The following MUC17 variants were observed in gnomAD, a reference collection of about 807,000 sequenced individuals.
MUC17 encodes mucin 17, cell surface associated.
MUC17 carries 190 observed loss-of-function variants against 170.3 expected under a neutral mutation model. That is an observed-to-expected ratio of 1.12 (90% CI 0.99 to 1.26). The LOEUF (loss-of-function observed/expected upper bound fraction) is 1.26, where lower values mean the gene tolerates loss of function less well. Among genes scored for constraint, MUC17 ranks in the 50% most tolerant of loss-of-function variants. The pLI is 0.00. For missense variants in MUC17, 6,415 were observed against 5,530.0 expected (o/e 1.16, Z -5.08); for synonymous variants, 2,325 against 2,002.5 (o/e 1.16, Z -4.30).
At position 101,043,153 on chromosome 7, in the gene MUC17, G is replaced by A. The variant is rs1794765769; in HGVS notation, c.11737G>A (p.Ala3913Thr). 1 of 1,614,038 alleles carries A rather than the reference G, an allele frequency of 6.2e-7. No homozygotes were observed. Among genetic ancestry groups the A allele is most frequent in the Non-Finnish European group, 8.5e-7 (1 of 1,179,994 alleles). Residue 3913 changes from alanine (A) to threonine (T), a missense_variant, in exon 3 of 13, where the codon GCC becomes ACC. Ala to Thr is a moderately conservative substitution (Grantham distance 58, BLOSUM62 0). Coordinates refer to ENST00000306151, the MANE Select transcript of MUC17 (RefSeq NM_001040105.2). ...STTFTPSTDTASTPTIPVATT... is the reference protein window; with the variant it reads ...STTFTPSTDTTSTPTIPVATT... ...AACTTTTACCCCTTCTACTGACACT[G>A]CCTCAACTCCCACAATTCCTGTAGC...
rs1165412433 is a variant in MUC17 at position 101,037,388 on chromosome 7, C to T, written c.5972C>T (p.Pro1991Leu). ...SEGSTPLTSM[P>L]LSTTLVVSSE... ...GGAAGCACTCCACTAACAAGTATGCCTCTCAGCACCACGCTGGTGGTCAGT... is the reference window on the plus strand; with the variant it reads ...GGAAGCACTCCACTAACAAGTATGCTTCTCAGCACCACGCTGGTGGTCAGT... Residue 1991 changes from proline to leucine, a missense_variant, in exon 3 of 13, where the codon CCT becomes CTT. By Grantham distance (98) the Pro-to-Leu change is moderately conservative. Coordinates refer to ENST00000306151, the MANE Select transcript of MUC17 (RefSeq NM_001040105.2). 1.9e-6 allele frequency: 3 copies of T among 1,613,820 alleles called. No individual in the cohort carries two copies. The highest frequency in any genetic ancestry group is 2.5e-6 in the Non-Finnish European group (3 of 1,179,818).
At position 101,042,597 on chromosome 7, in the gene MUC17, T is replaced by C; in HGVS notation, c.11181T>C (p.Thr3727=). ...PSVVTSTPVT[T]STEAISSSAT... ...TTGTCACCAGCACACCTGTGACCACTTCTACTGAAGCCATTTCATCTTCTG... is the reference window on the plus strand; with the variant it reads ...TTGTCACCAGCACACCTGTGACCACCTCTACTGAAGCCATTTCATCTTCTG... The change falls in exon 3 of 13, where the codon ACT becomes ACC. Residue 3727 remains threonine (T), a synonymous_variant. Coordinates refer to ENST00000306151, the MANE Select transcript of MUC17 (RefSeq NM_001040105.2). The C allele has an allele frequency of 6.2e-7, 1 of 1,614,128 alleles. No homozygotes were observed. Among genetic ancestry groups the C allele is most frequent in the Non-Finnish European group, 8.5e-7 (1 of 1,180,032 alleles).
rs779477970 is a variant in MUC17, at chr7:101,053,436, GGTATTGGCCTT to G, written c.13363+1_13363+11del. ...AAACATTGGCTTTGACATCTGCCAA[GGTATTGGCCTT>G]CCTCTCTGAACTCAGAATGGCTCAA... On this transcript the variant is annotated splice_donor_variant and splice_donor_5th_base_variant and intron_variant, in intron 11 of 12. Coordinates refer to ENST00000306151, the MANE Select transcript of MUC17 (RefSeq NM_001040105.2). LOFTEE classifies it high-confidence loss of function. 1 of 1,612,276 alleles carries G rather than the reference GGTATTGGCCTT, an allele frequency of 6.2e-7. No homozygotes were observed. The highest frequency in any genetic ancestry group is 8.5e-7 in the Non-Finnish European group (1 of 1,178,546).
At chr7:101,029,783 G>C (rs1309344139) in intron 1 of MUC17, among the ~76,000 whole-genome samples, 3 of 151,940 alleles carry the variant, frequency 2.0e-5, no homozygotes, top group Non-Finnish European at 4.4e-5. Context: ...ATTTTTAGTA[G>C]AGACAGGGTT....
In MUC17 at chr7:101,035,335, G is replaced by A. The variant is rs113959201; in HGVS notation, c.3919G>A (p.Gly1307Ser). ...TLLTTPVDTK[G>S]PVVTSNEVSS... ...TTTAACAACTCCTGTTGACACTAAA[G>A]GTCCTGTGGTCACTTCTAATGAAGT... Residue 1307 changes from glycine to serine, a missense_variant, in exon 3 of 13, where the codon GGT becomes AGT. By Grantham distance (56) the Gly-to-Ser change is moderately conservative. Transcript: ENST00000306151. The A allele has an allele frequency of 0.072, 103,434 of 1,440,670 alleles. No individual in the cohort carries two copies. The highest frequency in any genetic ancestry group is 0.22 in the African/African-American group (14,539 of 64,810). The allele number at this position is 1,440,670 out of a possible 1,614,324, so 89.2% of individuals were successfully genotyped here. A position where few individuals can be genotyped will look rare whatever the true frequency, so the allele number is the denominator to read the frequency against.
intron 3 of MUC17, 69 bp from the exon 4 acceptor site, chr7:101,047,915 C>T (rs1199348748): frequency 1.3e-6 from 2 of 1,503,556 alleles, no homozygotes. Context: ...CACAGTAGAT[C>T]CCTGCTCCTT....
intron 1 of MUC17, among the ~76,000 whole-genome samples, chr7:101,024,905 G>A (rs1426941409): frequency 3.3e-5 from 5 of 151,894 alleles, no homozygotes; most frequent in African/African-American, 1.2e-4. Flanking sequence ...GTTTATGTCT[G>A]TAATCTCAGC....
chr7:101,021,859 G>T (rs564745978), intron 1 of MUC17, among the ~76,000 whole-genome samples: 2 of 152,264 alleles, frequency 1.3e-5, no homozygotes, highest in South Asian at 2.1e-4. Flanking sequence ...CAGGGCGTGG[G>T]TCTAGAGAGA....
intron 1 of MUC17, among the ~76,000 whole-genome samples, chr7:101,021,785 T>C (rs1323346092): frequency 6.6e-6 from 1 of 152,154 alleles, no homozygotes; most frequent in Non-Finnish European, 1.5e-5. Context: ...ACCCTTTCCA[T>C]GTCCCTTCTC....
At position 101,042,081 on chromosome 7, in the gene MUC17, T is replaced by A. The variant is rs1794729514; in HGVS notation, c.10665T>A (p.Ser3555Arg). The change falls in exon 3 of 13, where the codon AGT (serine) becomes AGA (arginine). Residue 3555 changes from serine to arginine, a missense_variant. Physicochemically the swap from Ser to Arg is moderately radical, Grantham distance 110 (BLOSUM62 -1). Transcript: ENST00000306151. Reference protein sequence around the residue: ...NTFVTSSSQASSSPATLQVTT... With the variant: ...NTFVTSSSQARSSPATLQVTT... ...TTGTTACCAGTTCTAGTCAAGCCAGTTCATCTCCAGCAACTCTTCAGGTCA... is the reference window on the plus strand; with the variant it reads ...TTGTTACCAGTTCTAGTCAAGCCAGATCATCTCCAGCAACTCTTCAGGTCA... 1.2e-6 allele frequency: 2 copies of A among 1,613,948 alleles called. No individual in the cohort carries two copies. Among genetic ancestry groups the A allele is most frequent in the Non-Finnish European group, 1.7e-6 (2 of 1,180,022 alleles).
chr7:101,033,313 A>C lies in MUC17; in HGVS notation c.1897A>C (p.Ser633Arg), dbSNP rs776451160. Residue 633 changes from serine to arginine, a missense_variant, in exon 3 of 13, where the codon AGT becomes CGT. By Grantham distance (110) the Ser-to-Arg change is moderately radical. Coordinates refer to ENST00000306151, the MANE Select transcript of MUC17 (RefSeq NM_001040105.2). ...TYSERGTTIT[S>R]MSVSTTLVAS... ...CAGTGAAAGAGGCACTACAATAACA[A>C]GTATGTCTGTCAGCACCACACTGGT... The C allele has an allele frequency of 6.2e-7, 1 of 1,613,636 alleles. No individual in the cohort carries two copies. Among genetic ancestry groups the C allele is most frequent in the East Asian group, 2.2e-5 (1 of 44,844 alleles).
chr7:101,020,319 T>C lies in MUC17; in HGVS notation c.82+102T>C, dbSNP rs1483025569. ...GGGAGAGCTGCCTCCAGGACACCAATAGGGGTGTGCCCTCTGCCTGGAGCT... is the reference window on the plus strand; with the variant it reads ...GGGAGAGCTGCCTCCAGGACACCAACAGGGGTGTGCCCTCTGCCTGGAGCT... On this transcript the variant is annotated intron_variant, in intron 1 of 12. Coordinates refer to ENST00000306151, the MANE Select transcript of MUC17 (RefSeq NM_001040105.2). The C allele has an allele frequency of 1.3e-5, 12 of 928,884 alleles. No individual in the cohort carries two copies. The East Asian group carries it at 1.5e-4, about 11-fold the overall frequency. 57.5% of individuals were successfully genotyped at this position (928,884 alleles called of 1,614,324 possible). A position where few individuals can be genotyped will look rare whatever the true frequency, so the allele number is the denominator to read the frequency against.
rs144492126 is a variant in MUC17, at chr7:101,035,757, C to T, written c.4341C>T (p.Thr1447=). 4.3e-5 allele frequency: 70 copies of T among 1,611,152 alleles called. No individual in the cohort carries two copies. The African/African-American group carries it at 8.6e-4, about 20-fold the overall frequency. The stretch of plus-strand genomic sequence containing the variant: ...CTGCTGAAGGTATCAGCATACCAAC[C>T]TCAACTCCTAGTGAAGGAAAGACTC... ...PTTAEGISIP[T]STPSEGKTPL... is the part of the protein sequence containing the mutation. The change falls in exon 3 of 13, where the codon ACC becomes ACT. Residue 1447 remains threonine, a synonymous_variant. Coordinates refer to ENST00000306151, the MANE Select transcript of MUC17 (RefSeq NM_001040105.2).
At position 101,041,162 on chromosome 7, in the gene MUC17, C is replaced by A; in HGVS notation, c.9746C>A (p.Ser3249Tyr). ...ASILSTTPVD[S>Y]NTPLTTSTEA... is the part of the protein sequence containing the mutation. ...ATCCTTTCAACAACTCCTGTTGACT[C>A]CAACACTCCTTTGACCACTTCTACT... The change falls in exon 3 of 13, where the codon TCC becomes TAC. Residue 3249 changes from serine to tyrosine, a missense_variant. Coordinates refer to ENST00000306151, the MANE Select transcript of MUC17 (RefSeq NM_001040105.2). 1 of 1,613,292 alleles carries A rather than the reference C, an allele frequency of 6.2e-7. No homozygotes were observed. The highest frequency in any genetic ancestry group is 8.5e-7 in the Non-Finnish European group (1 of 1,179,862).
In MUC17 at chr7:101,042,272, C is replaced by T. The variant is rs756785900; in HGVS notation, c.10856C>T (p.Pro3619Leu). 3 of 1,614,016 alleles carry T rather than the reference C, an allele frequency of 1.9e-6. No individual in the cohort carries two copies. Among genetic ancestry groups the T allele is most frequent in the East Asian group, 2.2e-5 (1 of 44,872 alleles). Residue 3619 changes from proline to leucine, a missense_variant, in exon 3 of 13, where the codon CCT becomes CTT. Coordinates refer to ENST00000306151, the MANE Select transcript of MUC17 (RefSeq NM_001040105.2). Reference sequence around the variant, plus strand: ...ACTCAGAGCAATTCTACTCCTACACCTCCTGAAGTTATCACCCTGCCAATG... The same window carrying T: ...ACTCAGAGCAATTCTACTCCTACACTTCCTGAAGTTATCACCCTGCCAATG... The part of the protein sequence containing the change: ...TSTQSNSTPT[P>L]PEVITLPMST...
At chr7:101,045,202 T>C (rs1223731413) in intron 3 of MUC17, among the ~76,000 whole-genome samples, 2 of 152,212 alleles carry the variant, frequency 1.3e-5, no homozygotes, top group Non-Finnish European at 2.9e-5. Flanking sequence ...TTGAAAACAC[T>C]GATTTATTTA....
At chr7:101,048,385 G>T (rs1013106373) in intron 4 of MUC17, 2 of 249,066 alleles carry the variant, frequency 8.0e-6, no homozygotes, top group Non-Finnish European at 1.5e-5. Flanking sequence ...GAGGCCAGGA[G>T]CTCGAGACCA....
chr7:101,047,995 G>A lies in MUC17; in HGVS notation c.12415G>A (p.Gly4139Arg). 6.3e-7 allele frequency: 1 copy of A among 1,595,400 alleles called. No individual in the cohort carries two copies. The highest frequency in any genetic ancestry group is 8.5e-7 in the Non-Finnish European group (1 of 1,173,000). ...TGATTGTTCCACAGGCTTTGGAGAT[G>A]GGTGCCAGAATACGGCCTCTCGCTG... is the stretch of plus-strand genomic sequence containing the variant. ...VPRTTTCFGDGCQNTASRCKN... is the reference protein window; with the variant it reads ...VPRTTTCFGDRCQNTASRCKN... The change falls in exon 4 of 13, where the codon GGG (glycine) becomes AGG (arginine). Residue 4139 changes from glycine to arginine, a missense_variant. Coordinates refer to ENST00000306151, the MANE Select transcript of MUC17 (RefSeq NM_001040105.2).
intron 4 of MUC17, 45 bp downstream of exon 4, chr7:101,048,160 C>A: frequency 2.0e-6 from 3 of 1,499,648 alleles, no homozygotes; most frequent in South Asian, 1.4e-5. Context: ...CCCTGGGACC[C>A]GACCTCCATA....
Sources: allele counts gnomAD v4.1 joint callset (sites outside exome capture counted in the v4.1 genomes callset), GRCh38; gene constraint gnomAD v4.1.1; transcripts MANE v1.5; gene names NCBI Gene and HGNC (gene_info 2026-07-23, HGNC 2026-07-21).